The following ANK2 variants were observed in gnomAD, a reference collection of about 807,000 sequenced individuals.
ANK2 encodes ankyrin 2, also known as ankyrin-2.
ANK2 carries 83 observed loss-of-function variants against 360.5 expected under a neutral mutation model. That is an observed-to-expected ratio of 0.23 (90% CI 0.19 to 0.28). The LOEUF (loss-of-function observed/expected upper bound fraction) is 0.28, where lower values mean the gene tolerates loss of function less well. ANK2 is among the 10% of genes least tolerant of loss of function. ANK2 has a pLI of 1.00. For missense variants in ANK2, 4,201 were observed against 4,795.7 expected (o/e 0.88, Z 3.66); for synonymous variants, 1,740 against 1,759.5 (o/e 0.99, Z 0.28).
Position 113,357,557 on chromosome 4 carries a change from C to T in ANK2, c.8939C>T (p.Thr2980Ile), listed in dbSNP as rs770805217. ...GTAGTGGCAAGCTCCTCTAGTGGAA[C>T]TGTTTTAAGCAAAGAATCTAATTTT... is the stretch of plus-strand genomic sequence containing the variant. ...DVVVASSSSG[T>I]VLSKESNFEG... The change falls in exon 38 of 46, where the codon ACT (threonine) becomes ATT (isoleucine). Residue 2980 changes from threonine (T) to isoleucine (I), a missense_variant. By Grantham distance (89) the Thr-to-Ile change is moderately conservative. This residue lies in a region of ANK2 where 2,642 missense variants were observed against 2,714.5 expected (regional missense o/e 0.97). Coordinates refer to ENST00000357077, the MANE Select transcript of ANK2 (RefSeq NM_001148.6). 3.1e-6 allele frequency: 5 copies of T among 1,613,994 alleles called. No individual in the cohort carries two copies. The highest frequency in any genetic ancestry group is 4.2e-6 in the Non-Finnish European group (5 of 1,179,996).
At chr4:113,097,344 A>G (rs2091532009) in intron 1 of ANK2, among the ~76,000 whole-genome samples, 1 of 151,956 alleles carries the variant, frequency 6.6e-6, no homozygotes, top group South Asian at 2.1e-4. Context: ...GGTTGTCTTC[A>G]GGTCACTCAG....
In ANK2 at chr4:113,373,128, A is replaced by G. The variant is rs1223330730; in HGVS notation, c.11649A>G (p.Thr3883=). 1 of 1,614,102 alleles carries G rather than the reference A, an allele frequency of 6.2e-7. No homozygotes were observed. Among genetic ancestry groups the G allele is most frequent in the East Asian group, 2.2e-5 (1 of 44,880 alleles). ...CTGAAATACCCCCAGAAACAGTCAC[A>G]GAAGAAGAATACATTGATGAGCATG... is the stretch of plus-strand genomic sequence containing the variant. The part of the protein sequence containing the change: ...DMPEIPPETV[T]EEEYIDEHGH... Residue 3883 remains threonine, a synonymous_variant, in exon 44 of 46, where the codon ACA becomes ACG. Coordinates refer to ENST00000357077, the MANE Select transcript of ANK2 (RefSeq NM_001148.6).
the ANK2 span, chr4:112,788,663 C>A: frequency 1.2e-6 from 2 of 1,601,276 alleles, no homozygotes; most frequent in Non-Finnish European, 8.5e-7. Context: ...CTTTCAGCCG[C>A]TTATAGAGGA....
At chr4:113,262,863 C>A (rs1159728812) in intron 13 of ANK2, among the ~76,000 whole-genome samples, 1 of 151,600 alleles carries the variant, frequency 6.6e-6, no homozygotes, top group Non-Finnish European at 1.5e-5. Flanking sequence ...GGGACCAATC[C>A]CTCACCAATA....
At chr4:113,379,010 A>G (rs946980363) in intron 45 of ANK2, among the ~76,000 whole-genome samples, 1 of 152,220 alleles carries the variant, frequency 6.6e-6, no homozygotes, top group Admixed American at 6.5e-5. Flanking sequence ...AGAGTATGCT[A>G]CAGAACTATT....
the ANK2 span, among the ~76,000 whole-genome samples, chr4:112,768,528 A>G: frequency 6.6e-6 from 1 of 151,904 alleles, no homozygotes; most frequent in South Asian, 2.1e-4. Context: ...TGGTAGGACT[A>G]CAGGCATGAG....
chr4:113,232,451 A>C (rs1308512210), intron 5 of ANK2, among the ~76,000 whole-genome samples, 192 bp downstream of exon 5: 1 of 152,192 alleles, frequency 6.6e-6, no homozygotes, highest in Non-Finnish European at 1.5e-5. Flanking sequence ...TTATGCCTTC[A>C]TTTTGGATTC....
chr4:112,874,635 G>A (rs542389557), intron 1 of ANK2, among the ~76,000 whole-genome samples: 95 of 96,568 alleles, frequency 9.8e-4, no homozygotes, highest in African/African-American at 4.4e-3. Context: ...AGAGGAAGAC[G>A]CCATCTCAAA....
chr4:113,037,406 C>A (rs1579659263), intron 2 of ANK2, among the ~76,000 whole-genome samples: 1 of 151,912 alleles, frequency 6.6e-6, no homozygotes, highest in Admixed American at 6.6e-5. Context: ...TCATCAATTT[C>A]AATCTTTGTA....
the ANK2 span, among the ~76,000 whole-genome samples, chr4:112,750,185 A>G: frequency 2.6e-5 from 4 of 151,988 alleles, no homozygotes; most frequent in East Asian, 7.8e-4. Context: ...TAATCCCAGC[A>G]CTTTGGGAGG....
At chr4:112,934,069 C>T (rs527301907) in intron 2 of ANK2, among the ~76,000 whole-genome samples, 26 of 152,126 alleles carry the variant, frequency 1.7e-4, no homozygotes, top group Admixed American at 1.0e-3. Context: ...GGAGTTGGAG[C>T]CTGTTCGTTG....
chr4:112,842,630 C>T (rs924983913), intron 1 of ANK2, among the ~76,000 whole-genome samples: 3 of 152,280 alleles, frequency 2.0e-5, no homozygotes, highest in African/African-American at 7.2e-5. Context: ...GGTTCGTGCT[C>T]CTATGAGAAT....
At chr4:112,794,473 T>A in the ANK2 span, among the ~76,000 whole-genome samples, 1 of 152,202 alleles carries the variant, frequency 6.6e-6, no homozygotes, top group Non-Finnish European at 1.5e-5. Context: ...AATAATCCCA[T>A]GACCAATACT....
the ANK2 span, among the ~76,000 whole-genome samples, chr4:112,724,057 G>T: frequency 6.6e-6 from 1 of 150,694 alleles, no homozygotes; most frequent in South Asian, 2.1e-4. Context: ...GCTAATACAG[G>T]AAAAATCTTT....
intron 7 of ANK2, 54 bp downstream of exon 7, chr4:113,237,676 C>T (rs1405181809): frequency 1.3e-6 from 2 of 1,484,610 alleles, no homozygotes; most frequent in Non-Finnish European, 1.9e-6. Flanking sequence ...TTAGTTTTTG[C>T]CCAATTGGAA....
chr4:112,892,982 T>C (rs535415128), intron 1 of ANK2, among the ~76,000 whole-genome samples: 2 of 152,282 alleles, frequency 1.3e-5, no homozygotes, highest in East Asian at 3.9e-4. Context: ...GTCTTTTATA[T>C]CCCCCAAATG....
At chr4:113,064,409 T>C (rs531513085) in intron 1 of ANK2, among the ~76,000 whole-genome samples, 14 of 152,304 alleles carry the variant, frequency 9.2e-5, no homozygotes, top group African/African-American at 3.1e-4. Context: ...TCTGTGAGCA[T>C]ACACATAACA....
At chr4:112,979,064 A>C (rs2042295088) in intron 2 of ANK2, among the ~76,000 whole-genome samples, 1 of 152,214 alleles carries the variant, frequency 6.6e-6, no homozygotes, top group South Asian at 2.1e-4. Context: ...CTCTGTGGTC[A>C]TCAGCACCTT....
intron 23 of ANK2, among the ~76,000 whole-genome samples, chr4:113,309,494 G>T (rs189318615): frequency 2.0e-3 from 311 of 152,190 alleles, no homozygotes; most frequent in African/African-American, 7.2e-3. Flanking sequence ...ATCAGAGGTG[G>T]TTTTTTTGTT....
Sources: gnomAD v4.1 joint callset for allele counts (sites outside exome capture counted in the v4.1 genomes callset) on GRCh38, gnomAD v4.1.1 for gene constraint, gnomAD v4.1.1 regional missense constraint, MANE v1.5 for transcripts, NCBI Gene and HGNC (gene_info 2026-07-23, HGNC 2026-07-21) for gene names.